The following SVOPL variants were observed in gnomAD, a reference collection of about 807,000 sequenced individuals.
SVOPL encodes the protein putative transporter SVOPL.
Under a neutral mutation model 61.0 loss-of-function variants are expected in SVOPL, and 60 were observed. The observed-to-expected ratio is 0.98, with a 90% CI of 0.80 to 1.22. SVOPL has a LOEUF of 1.22. Among genes scored for constraint, SVOPL ranks in the 50% most tolerant of loss-of-function variants. The pLI is 0.00. For missense variants in SVOPL, 662 were observed against 643.9 expected (o/e 1.03, Z -0.30); for synonymous variants, 279 against 250.0 (o/e 1.12, Z -1.09).
At chr7:138,635,531 C>T (rs1800429514) in intron 9 of SVOPL, among the ~76,000 whole-genome samples, 1 of 151,908 alleles carries the variant, frequency 6.6e-6, no homozygotes, top group East Asian at 1.9e-4. Context: ...AACCACCACA[C>T]CCAGCCAGGA....
intron 2 of SVOPL, 59 bp downstream of exon 2, chr7:138,678,905 A>C (rs769074176): frequency 2.1e-5 from 31 of 1,505,834 alleles, no homozygotes; most frequent in Non-Finnish European, 2.5e-5. Flanking sequence ...ATTTAACCTT[A>C]AAAAGGATTC....
intron 1 of SVOPL, among the ~76,000 whole-genome samples, chr7:138,682,545 T>C (rs1802722139): frequency 6.6e-6 from 1 of 152,138 alleles, no homozygotes. Flanking sequence ...GTTTCTTCAT[T>C]AAATAAATGG....
intron 9 of SVOPL, among the ~76,000 whole-genome samples, chr7:138,643,947 T>C (rs1800963388): frequency 6.6e-6 from 1 of 152,016 alleles, no homozygotes; most frequent in Admixed American, 6.6e-5. Context: ...GACACGCCTA[T>C]AATCCCAGCA....
intron 5 of SVOPL, chr7:138,661,754 A>C (rs1412690034): frequency 8.0e-6 from 7 of 879,188 alleles, no homozygotes; most frequent in South Asian, 5.2e-5. Context: ...CCTTTAAAAA[A>C]CCCACTTGTA....
At position 138,630,098 on chromosome 7, in the gene SVOPL, G is replaced by T; in HGVS notation, c.814C>A (p.Leu272Ile). ...GTCCGTAAATATTTAGCATCCAATA[G>T]GTCTGCAAATCTTCCTCTTTTTTCC... is the stretch of plus-strand genomic sequence containing the variant. ...VLEKRGRFAD[L>I]LDAKYLRTTL... The change falls in exon 10 of 16, where the codon CTA becomes ATA. Residue 272 changes from leucine (L) to isoleucine (I), a missense_variant. Physicochemically the swap from Leu to Ile is conservative, Grantham distance 5. Coordinates refer to ENST00000674285, the MANE Select transcript of SVOPL (RefSeq NM_001139456.2). 2.5e-6 allele frequency: 4 copies of T among 1,613,808 alleles called. No individual in the cohort carries two copies. The highest frequency in any genetic ancestry group is 3.4e-6 in the Non-Finnish European group (4 of 1,179,786).
At chr7:138,695,694 G>A (rs925365965) in intron 1 of SVOPL, among the ~76,000 whole-genome samples, 12 of 152,130 alleles carry the variant, frequency 7.9e-5, no homozygotes, top group African/African-American at 2.2e-4. Flanking sequence ...AAAGGGTGAC[G>A]TTAGAATTAC....
chr7:138,697,747 AAGG>A (rs1405728663), intron 1 of SVOPL, among the ~76,000 whole-genome samples: 1 of 150,714 alleles, frequency 6.6e-6, no homozygotes, highest in Admixed American at 6.7e-5. Flanking sequence ...AGAAAAGAAG[AAGG>A]AGAAGAAAAA....
Position 138,678,979 on chromosome 7 carries a change from C to G in SVOPL, c.67G>C (p.Glu23Gln), listed in dbSNP as rs2117122366. The G allele has an allele frequency of 2.6e-6, 4 of 1,551,640 alleles. No homozygotes were observed. The highest frequency in any genetic ancestry group is 3.5e-6 in the Non-Finnish European group (4 of 1,146,954). The change falls in exon 2 of 16, where the codon GAG becomes CAG. Residue 23 changes from glutamate (E) to glutamine (Q), a missense_variant. Transcript: ENST00000674285. ...ATAATCTCACCTTTAACCTGTGGCT[C>G]TGCGGTCCCCAGGCTCAATTTCCGA... is the stretch of plus-strand genomic sequence containing the variant. The part of the protein sequence containing the change: ...SLRKLSLGTA[E>Q]PQVKEPKTFT...
intron 3 of SVOPL, among the ~76,000 whole-genome samples, chr7:138,676,957 G>A (rs1378849094): frequency 6.9e-6 from 1 of 145,152 alleles, no homozygotes; most frequent in African/African-American, 2.6e-5. Context: ...GGGCTGGAGT[G>A]CAGTGGCACT....
At chr7:138,635,047 T>C (rs997319399) in intron 9 of SVOPL, among the ~76,000 whole-genome samples, 7 of 152,074 alleles carry the variant, frequency 4.6e-5, no homozygotes, top group South Asian at 4.1e-4. Context: ...CCAAGGCAGA[T>C]GGATCACCTG....
Position 138,599,091 on chromosome 7 carries a change from T to C in SVOPL, c.1354-2561A>G, listed in dbSNP as rs1798396288. On this transcript the variant is annotated intron_variant, in intron 14 of 15. Transcript: ENST00000674285. ...AGTGTTCTATAATTGCACCTGAGAA[T>C]AGTCCCTATAATTGTACTCCAACCT... 3.1e-5 allele frequency among the ~76,000 whole-genome samples: 4 copies of C among 128,274 alleles called. No individual in the cohort carries two copies. The Admixed American group carries it at 4.0e-4, about 13-fold the overall frequency. 84.2% of individuals were successfully genotyped at this position (128,274 alleles called of 152,430 possible).
chr7:138,657,138 A>ATTTG (rs1345088129), intron 6 of SVOPL, among the ~76,000 whole-genome samples: 4 of 65,402 alleles, frequency 6.1e-5, no homozygotes, highest in Non-Finnish European at 1.0e-4. Context: ...TTATTTGTTT[A>ATTTG]TTTATTTATT....
rs547571881 is a variant in SVOPL, at chr7:138,678,985, T to G, written c.61A>C (p.Thr21Pro). 2.9e-5 allele frequency: 45 copies of G among 1,551,572 alleles called. No individual in the cohort carries two copies. The African/African-American group carries it at 5.5e-4, about 19-fold the overall frequency. Residue 21 changes from threonine to proline, a missense_variant, in exon 2 of 16, where the codon ACC (threonine) becomes CCC (proline). Physicochemically the swap from Thr to Pro is conservative, Grantham distance 38. Transcript: ENST00000674285. ...ILSLRKLSLG[T>P]AEPQVKEPKT... ...TCACCTTTAACCTGTGGCTCTGCGG[T>G]CCCCAGGCTCAATTTCCGAAGGCTG...
At chr7:138,648,141 TG>T (rs1203346219) in intron 8 of SVOPL, among the ~76,000 whole-genome samples, 7 of 152,032 alleles carry the variant, frequency 4.6e-5, no homozygotes, top group Non-Finnish European at 4.4e-5. Context: ...AAGCCTGTGG[TG>T]GCCTGGGAGT....
intron 14 of SVOPL, among the ~76,000 whole-genome samples, chr7:138,619,307 C>G (rs191314385): frequency 7.0e-4 from 107 of 151,916 alleles, no homozygotes; most frequent in African/African-American, 2.5e-3. Flanking sequence ...ACTGGGGAGG[C>G]TCAGGTGGGA....
intron 13 of SVOPL, among the ~76,000 whole-genome samples, chr7:138,625,346 T>C (rs559237946): frequency 6.6e-6 from 1 of 152,314 alleles, no homozygotes; most frequent in South Asian, 2.1e-4. Context: ...GCTTTATCAG[T>C]ATCTAAAGTA....
intron 12 of SVOPL, among the ~76,000 whole-genome samples, chr7:138,626,789 T>G (rs1200311428): frequency 2.0e-5 from 3 of 151,494 alleles, no homozygotes; most frequent in Non-Finnish European, 4.4e-5. Context: ...GAGGCTGCAG[T>G]GAGCTGAGAT....
At chr7:138,627,022 T>C (rs1176307484) in intron 12 of SVOPL, among the ~76,000 whole-genome samples, 1 of 152,194 alleles carries the variant, frequency 6.6e-6, no homozygotes, top group African/African-American at 2.4e-5. Flanking sequence ...TAAACTTTCT[T>C]GGCACTGGTT....
chr7:138,645,474 G>A (rs1801053934), intron 8 of SVOPL, among the ~76,000 whole-genome samples: 1 of 152,106 alleles, frequency 6.6e-6, no homozygotes, highest in Admixed American at 6.6e-5. Context: ...CCCATGGCCA[G>A]AGGGCAGTTT....
Sources: gnomAD v4.1 joint callset for allele counts (sites outside exome capture counted in the v4.1 genomes callset) on GRCh38, gnomAD v4.1.1 for gene constraint, MANE v1.5 for transcripts, NCBI Gene and HGNC (gene_info 2026-07-23, HGNC 2026-07-21) for gene names.